LPIN2: variants seen among roughly 807,000 people sequenced by gnomAD.
The protein encoded by LPIN2 is phosphatidate phosphatase LPIN2.
Under a neutral mutation model 111.4 loss-of-function variants are expected in LPIN2, and 55 were observed. The observed-to-expected ratio is 0.49, with a 90% CI of 0.40 to 0.62. The LOEUF (loss-of-function observed/expected upper bound fraction) is 0.62. Ranked by LOEUF, LPIN2 falls within the 20% of genes least tolerant of loss-of-function variation. The pLI is 0.00. For synonymous variants in LPIN2, 425 were observed against 414.0 expected (o/e 1.03, Z -0.32); for missense variants, 992 against 1,112.1 (o/e 0.89, Z 1.54).
intron 6 of LPIN2, 121 bp downstream of exon 6, chr18:2,939,359 G>A: frequency 1.7e-6 from 2 of 1,152,446 alleles, no homozygotes; most frequent in Non-Finnish European, 2.6e-6. Context: ...ATGACATGAG[G>A]GCACTATCAT....
intron 1 of LPIN2, among the ~76,000 whole-genome samples, chr18:2,997,717 A>G (rs1053734592): frequency 2.6e-5 from 4 of 152,216 alleles, no homozygotes; most frequent in African/African-American, 7.2e-5. Flanking sequence ...AAAGAAACAA[A>G]AAGTCACCAA....
At position 2,934,391 on chromosome 18, in the gene LPIN2, C is replaced by G. The variant is rs745818701; in HGVS notation, c.1228G>C (p.Gly410Arg). 25 of 1,613,558 alleles carry G rather than the reference C, an allele frequency of 1.5e-5. No homozygotes were observed. Among genetic ancestry groups the G allele is most frequent in the Non-Finnish European group, 2.0e-5 (24 of 1,179,854 alleles). ...AGAGCTGCAACTTCAGGTTCTAGAC[C>G]CTTTAAGTCATCAAGGTAAATATCA... is the stretch of plus-strand genomic sequence containing the variant. ...PDDIYLDDLKGLEPEVAALYF... is the reference protein window; with the variant it reads ...PDDIYLDDLKRLEPEVAALYF... The change falls in exon 8 of 20, where the codon GGT (glycine) becomes CGT (arginine). Residue 410 changes from glycine to arginine, a missense_variant. This residue lies in a region of LPIN2 where 709 missense variants were observed against 753.2 expected (regional missense o/e 0.94). Coordinates refer to ENST00000677752, the MANE Select transcript of LPIN2 (RefSeq NM_001375808.2).
intron 1 of LPIN2, among the ~76,000 whole-genome samples, chr18:2,993,239 AG>A (rs1172109117): frequency 1.3e-5 from 2 of 152,068 alleles, no homozygotes; most frequent in African/African-American, 4.8e-5. Context: ...GAAAAAAGGT[AG>A]GAGAAGAAAA....
intron 1 of LPIN2, among the ~76,000 whole-genome samples, chr18:2,992,609 G>A (rs2078281306): frequency 6.6e-6 from 1 of 152,182 alleles, no homozygotes; most frequent in Admixed American, 6.5e-5. Flanking sequence ...CCAACACTTT[G>A]GGAGGCCAAG....
At position 2,924,430 on chromosome 18, in the gene LPIN2, G is replaced by A. The variant is rs1421730880; in HGVS notation, c.2055C>T (p.Ile685=). 5 of 1,614,070 alleles carry A rather than the reference G, an allele frequency of 3.1e-6. No individual in the cohort carries two copies. In the Admixed American group the frequency reaches 6.7e-5, roughly 22 times the overall value. ...TTGTCCCATCAATATCAGAAATGATGATCTTGTCATTCCAGTTCCACAGGT... is the reference window on the plus strand; with the variant it reads ...TTGTCCCATCAATATCAGAAATGATAATCTTGTCATTCCAGTTCCACAGGT... ...TIYLWNWNDK[I]IISDIDGTIT... Residue 685 remains isoleucine (I), a synonymous_variant, in exon 15 of 20, where the codon ATC becomes ATT. Coordinates refer to ENST00000677752, the MANE Select transcript of LPIN2 (RefSeq NM_001375808.2).
In LPIN2 at chr18:2,925,224, G is replaced by A. The variant is rs766117626; in HGVS notation, c.1938C>T (p.Ile646=). 9.3e-6 allele frequency: 15 copies of A among 1,614,076 alleles called. No homozygotes were observed. Among genetic ancestry groups the A allele is most frequent in the Middle Eastern group, 3.3e-4 (2 of 6,082 alleles). Residue 646 remains isoleucine, a splice_region_variant and synonymous_variant, in exon 14 of 20, where the codon ATC becomes ATT. Transcript: ENST00000677752. This position sits in a 1 kb window ranked among gnomAD's most constrained non-coding sequence, Gnocchi z 4.1. ...ACAACACAGATCATGCAAGACTCAC[G>A]ATCTGGTCTGAGGAGAGGCGGAGAG... The part of the protein sequence containing the change: ...KKSLRLSSDQ[I]AKLKLHDGPN...
At chr18:2,934,049 T>C (rs1462304095) in intron 8 of LPIN2, among the ~76,000 whole-genome samples, 1 of 152,250 alleles carries the variant, frequency 6.6e-6, no homozygotes, top group African/African-American at 2.4e-5. Context: ...TTCCCAAGCA[T>C]GTTGAGTTTG....
chr18:2,921,052 A>C, intron 18 of LPIN2, 171 bp from the exon 19 acceptor site: 1 of 674,138 alleles, frequency 1.5e-6, no homozygotes, highest in Admixed American at 2.1e-5. Flanking sequence ...TAAACTACAG[A>C]GTGGTGCTTG....
At chr18:2,987,683 T>G (rs1598601835) in intron 1 of LPIN2, among the ~76,000 whole-genome samples, 1 of 152,302 alleles carries the variant, frequency 6.6e-6, no homozygotes, top group East Asian at 1.9e-4. Flanking sequence ...AATTTTTTAT[T>G]TAAAAGATAT....
intron 16 of LPIN2, among the ~76,000 whole-genome samples, chr18:2,922,526 C>T (rs2077070404): frequency 6.6e-6 from 1 of 152,168 alleles, no homozygotes; most frequent in South Asian, 2.1e-4. Context: ...ACCTGCCCAC[C>T]TCAGCCTCCC....
intron 1 of LPIN2, among the ~76,000 whole-genome samples, chr18:2,996,627 A>G (rs1055812711): frequency 1.3e-5 from 2 of 151,164 alleles, no homozygotes; most frequent in African/African-American, 4.9e-5. Context: ...ACAGGTGCCC[A>G]CCATCACGCC....
At chr18:2,927,686 T>G (rs2077154731) in intron 12 of LPIN2, 36 bp downstream of exon 12, 2 of 1,602,120 alleles carry the variant, frequency 1.2e-6, no homozygotes, top group African/African-American at 1.3e-5. Context: ...TTCATTTCTT[T>G]CAGCCCACGG....
At chr18:2,951,415 A>C in intron 3 of LPIN2, 59 bp from the exon 4 acceptor site, 7 of 1,396,502 alleles carry the variant, frequency 5.0e-6, no homozygotes, top group Non-Finnish European at 7.0e-6. Flanking sequence ...GAATTAAAGC[A>C]GTAATATTTT....
At chr18:3,002,828 ACTCCCTTCTAAGTCC>A (rs1432865444) in intron 1 of LPIN2, among the ~76,000 whole-genome samples, 2 of 152,100 alleles carry the variant, frequency 1.3e-5, no homozygotes, top group African/African-American at 4.8e-5. Context: ...CTCAAGCAGT[ACTCCCTTCTAAGTCC>A]CTCCCTGTCC....
intron 4 of LPIN2, chr18:2,945,698 T>A: frequency 7.7e-7 from 1 of 1,292,888 alleles, no homozygotes. Flanking sequence ...TCACACCCCA[T>A]AATTTCACAT....
intron 11 of LPIN2, 36 bp downstream of exon 11, chr18:2,928,554 TG>T: frequency 6.2e-7 from 1 of 1,600,334 alleles, no homozygotes; most frequent in Non-Finnish European, 8.6e-7. Flanking sequence ...ACACTGCGGA[TG>T]CTTTCGGAAA....
chr18:2,952,240 A>G (rs1424033500), intron 3 of LPIN2, among the ~76,000 whole-genome samples: 4 of 152,176 alleles, frequency 2.6e-5, no homozygotes, highest in Non-Finnish European at 5.9e-5. Flanking sequence ...CAGCCTGGCT[A>G]ACATGGTGAA....
At chr18:2,993,466 T>C (rs1186625139) in intron 1 of LPIN2, among the ~76,000 whole-genome samples, 1 of 152,246 alleles carries the variant, frequency 6.6e-6, no homozygotes, top group Non-Finnish European at 1.5e-5. Context: ...ATAATTTCTA[T>C]GTATCCTTCT....
At chr18:2,993,388 A>C in intron 1 of LPIN2, among the ~76,000 whole-genome samples, 1 of 152,230 alleles carries the variant, frequency 6.6e-6, no homozygotes, top group East Asian at 1.9e-4. Flanking sequence ...CAAACTTCCT[A>C]GGTTATTTGA....
Sources: gnomAD v4.1 joint callset for allele counts (sites outside exome capture counted in the v4.1 genomes callset) on GRCh38, gnomAD v4.1.1 for gene constraint, gnomAD v4.1.1 regional missense constraint, Gnocchi (gnomAD v3.1) non-coding constraint, MANE v1.5 for transcripts, NCBI Gene and HGNC (gene_info 2026-07-23, HGNC 2026-07-21) for gene names.